The following CEP85 variants were observed in gnomAD, a reference collection of about 807,000 sequenced individuals.
The protein encoded by CEP85 is centrosomal protein of 85 kDa.
A neutral mutation model predicts 93.7 loss-of-function variants in CEP85; 58 were observed. The ratio of observed to expected loss-of-function variants is 0.62; its 90% CI spans 0.50 to 0.77. The LOEUF is 0.77. Ranked by LOEUF, CEP85 falls within the 30% of genes least tolerant of loss-of-function variation. The pLI is 0.00. For missense variants in CEP85, 868 were observed against 922.0 expected (o/e 0.94, Z 0.76); for synonymous variants, 314 against 338.6 (o/e 0.93, Z 0.80).
At chr1:26,260,315 A>AC (rs1217977903) in intron 7 of CEP85, among the ~76,000 whole-genome samples, 2 of 152,036 alleles carry the variant, frequency 1.3e-5, no homozygotes, top group Admixed American at 6.6e-5. Flanking sequence ...ACATGGTGAA[A>AC]CCCCGTCTCT....
intron 3 of CEP85, among the ~76,000 whole-genome samples, chr1:26,253,099 T>C (rs2089644289): frequency 6.6e-6 from 1 of 152,206 alleles, no homozygotes; most frequent in Non-Finnish European, 1.5e-5. Context: ...TGGTATTCCG[T>C]TGTGTAATAT....
chr1:26,237,550 CTG>C (rs1283289653), intron 1 of CEP85, among the ~76,000 whole-genome samples: 1 of 152,214 alleles, frequency 6.6e-6, no homozygotes, highest in Non-Finnish European at 1.5e-5. Context: ...GAATAATACT[CTG>C]TTTTTTGGAT....
intron 7 of CEP85, among the ~76,000 whole-genome samples, chr1:26,267,397 G>T (rs2124602845): frequency 6.6e-6 from 1 of 152,142 alleles, no homozygotes; most frequent in East Asian, 1.9e-4. Context: ...AATCCCATCT[G>T]TACTAAAAAT....
At chr1:26,256,956 T>TG (rs1557658491) in intron 4 of CEP85, among the ~76,000 whole-genome samples, 2 of 149,624 alleles carry the variant, frequency 1.3e-5, no homozygotes, top group Non-Finnish European at 1.5e-5. Flanking sequence ...TGTGTGTGTG[T>TG]TTTGGAGACA....
At chr1:26,269,665 T>C in intron 9 of CEP85, 51 bp downstream of exon 9, 1 of 1,456,922 alleles carries the variant, frequency 6.9e-7, no homozygotes. Context: ...TTTTTTGTCA[T>C]AGCCATCCTG....
chr1:26,274,192 CACTT>C (rs71738146), intron 11 of CEP85, among the ~76,000 whole-genome samples: 21,141 of 152,030 alleles, frequency 0.14, 1,642 homozygotes, highest in Middle Eastern at 0.18. Flanking sequence ...AACACAGACA[CACTT>C]ACACACAACT....
chr1:26,257,000 G>A lies in CEP85; in HGVS notation c.904-597G>A, dbSNP rs548464514. 2.0e-5 allele frequency among the ~76,000 whole-genome samples: 3 copies of A among 149,214 alleles called. No individual in the cohort carries two copies. In the South Asian group the frequency reaches 6.4e-4, roughly 32 times the overall value. On this transcript the variant is annotated intron_variant, in intron 4 of 13. Transcript: ENST00000451429. ...CTCTGTCGCCCAGTGGCATGATCTT[G>A]GCTCACTGCAACCTCCACCTCTCAG...
At chr1:26,245,180 C>G (rs2089490051) in intron 3 of CEP85, among the ~76,000 whole-genome samples, 1 of 127,384 alleles carries the variant, frequency 7.9e-6, no homozygotes, top group Non-Finnish European at 1.7e-5. Context: ...TGCCACCACA[C>G]CCAGCTATTT....
At chr1:26,267,991 CA>C (rs926444594) in intron 7 of CEP85, among the ~76,000 whole-genome samples, 1 of 152,218 alleles carries the variant, frequency 6.6e-6, no homozygotes, top group African/African-American at 2.4e-5. Context: ...CTGTATTTTA[CA>C]ACAGAAATGC....
chr1:26,239,921 AAGC>A, intron 2 of CEP85, 83 bp downstream of exon 2: 1 of 1,019,884 alleles, frequency 9.8e-7, no homozygotes, highest in Admixed American at 1.9e-5. Flanking sequence ...TTGAACAAAC[AAGC>A]ATTCACTGAA....
At position 26,269,936 on chromosome 1, in the gene CEP85, G is replaced by A. The variant is rs111778060; in HGVS notation, c.1649+322G>A. 2.0e-3 allele frequency among the ~76,000 whole-genome samples: 311 copies of A among 152,062 alleles called. 1 individual carries two copies. Among genetic ancestry groups the A allele is most frequent in the South Asian group, 0.015 (72 of 4,812 alleles). Reference sequence around the variant, plus strand: ...TGAGTAGCTGGGACTACAGGCGCCCGCCACTGCGCCTGGCTAATCTTTTTT... The same window carrying A: ...TGAGTAGCTGGGACTACAGGCGCCCACCACTGCGCCTGGCTAATCTTTTTT... On this transcript the variant is annotated intron_variant, in intron 9 of 13. Coordinates refer to ENST00000451429, the MANE Select transcript of CEP85 (RefSeq NM_001319944.2).
chr1:26,269,731 C>T, intron 9 of CEP85, 117 bp downstream of exon 9: 4 of 620,158 alleles, frequency 6.4e-6, no homozygotes, highest in Admixed American at 3.0e-5. Context: ...CTTATCTGAG[C>T]TTTGTTTTCT....
chr1:26,244,061 T>A, intron 2 of CEP85, 105 bp from the exon 3 acceptor site: 1 of 772,008 alleles, frequency 1.3e-6, no homozygotes, highest in East Asian at 4.0e-5. Context: ...GAGAAAGGGG[T>A]GGGTTGCTGC....
rs762958557 is a variant in CEP85 at position 26,271,250 on chromosome 1, C to T, written c.1743+143C>T. On this transcript the variant is annotated intron_variant, in intron 10 of 13. Coordinates refer to ENST00000451429, the MANE Select transcript of CEP85 (RefSeq NM_001319944.2). The stretch of plus-strand genomic sequence containing the variant: ...CTTTTCTTTCTTTTCGGAGAAGTCA[C>T]CCTGCATAGTAATTTGTATTTAGAT... The T allele has an allele frequency of 5.6e-5, 32 of 573,316 alleles. No individual in the cohort carries two copies. The South Asian group carries it at 6.3e-4, about 11-fold the overall frequency. 35.5% of individuals were successfully genotyped at this position (573,316 alleles called of 1,614,324 possible). A position where few individuals can be genotyped will look rare whatever the true frequency, so the allele number is the denominator to read the frequency against.
At chr1:26,241,735 A>C (rs960957315) in intron 2 of CEP85, among the ~76,000 whole-genome samples, 8 of 151,700 alleles carry the variant, frequency 5.3e-5, no homozygotes, top group African/African-American at 1.9e-4. Flanking sequence ...CTGATAGGAC[A>C]TGCACTATAA....
intron 2 of CEP85, among the ~76,000 whole-genome samples, chr1:26,242,936 C>G (rs564739704): frequency 1.4e-4 from 21 of 152,240 alleles, no homozygotes; most frequent in Admixed American, 6.5e-4. Flanking sequence ...CTACCTCCCC[C>G]CAAACAGCAT....
intron 9 of CEP85, 99 bp from the exon 10 acceptor site, chr1:26,270,915 T>TA: frequency 1.4e-6 from 1 of 740,458 alleles, no homozygotes; most frequent in East Asian, 2.5e-5. Context: ...CTGCTTGGAC[T>TA]AAGTGTCTTG....
Position 26,255,829 on chromosome 1 carries a change from G to A in CEP85, c.867G>A (p.Gln289=). The stretch of plus-strand genomic sequence containing the variant: ...GTGAACTCAGCACTTGTCGGCAGCA[G>A]CTGGAATTGATTCGTTTACAGATGG... ...QSCELSTCRQ[Q]LELIRLQMEQ... The change falls in exon 4 of 14, where the codon CAG becomes CAA. Residue 289 remains glutamine (Q), a synonymous_variant. Coordinates refer to ENST00000451429, the MANE Select transcript of CEP85 (RefSeq NM_001319944.2). 1 of 1,612,600 alleles carries A rather than the reference G, an allele frequency of 6.2e-7. No homozygotes were observed.
intron 7 of CEP85, among the ~76,000 whole-genome samples, chr1:26,263,954 T>C (rs1289623803): frequency 6.6e-6 from 1 of 152,182 alleles, no homozygotes. Context: ...TATGAGCAGA[T>C]TTGGATATAC....
Sources: allele counts gnomAD v4.1 joint callset (sites outside exome capture counted in the v4.1 genomes callset), GRCh38; gene constraint gnomAD v4.1.1; transcripts MANE v1.5; gene names NCBI Gene and HGNC (gene_info 2026-07-23, HGNC 2026-07-21).